The following ZCCHC9 variants were observed in gnomAD, a reference collection of about 807,000 sequenced individuals.
The protein encoded by ZCCHC9 is zinc finger CCHC domain-containing protein 9.
ZCCHC9 carries 18 observed loss-of-function variants against 30.8 expected under a neutral mutation model. The observed-to-expected ratio is 0.58, with a 90% CI of 0.40 to 0.87. The LOEUF is 0.87. Ranked by LOEUF, ZCCHC9 falls within the 40% of genes least tolerant of loss-of-function variation. The pLI, the probability that ZCCHC9 is intolerant of heterozygous loss-of-function variation, is 0.00. For synonymous variants in ZCCHC9, 94 were observed against 106.7 expected, an observed-to-expected ratio of 0.88 and a Z score of 0.73; for missense variants, 279 against 331.2, an observed-to-expected ratio of 0.84 and a Z score of 1.22.
chr5:81,307,911 C>T (rs1481253537), intron 2 of ZCCHC9, among the ~76,000 whole-genome samples: 2 of 137,874 alleles, frequency 1.5e-5, no homozygotes, highest in African/African-American at 2.7e-5. Flanking sequence ...AGGAGAATCA[C>T]TTGAACCCAG....
rs143226859 is a variant in ZCCHC9, at chr5:81,308,972, G to A, written c.562G>A (p.Val188Ile). The A allele has an allele frequency of 3.1e-6, 5 of 1,613,218 alleles. No individual in the cohort carries two copies. In the African/African-American group the frequency reaches 6.7e-5, roughly 22 times the overall value. The change falls in exon 4 of 6, where the codon GTT becomes ATT. Residue 188 changes from valine to isoleucine, a missense_variant. Physicochemically the swap from Val to Ile is conservative, Grantham distance 29 (BLOSUM62 3). Coordinates refer to ENST00000407610, the MANE Select transcript of ZCCHC9 (RefSeq NM_001131035.2). Reference protein sequence around the residue: ...LGEFPFAKCFVCGEMGHLSRS... With the variant: ...LGEFPFAKCFICGEMGHLSRS... ...CGAATTTCCTTTTGCAAAATGTTTT[G>A]TTTGTGGAGAAATGGGGCACCTGTC...
intron 2 of ZCCHC9, among the ~76,000 whole-genome samples, chr5:81,307,773 G>C (rs1758121484): frequency 6.6e-6 from 1 of 151,846 alleles, no homozygotes; most frequent in East Asian, 1.9e-4. Flanking sequence ...GAGGCGGGTG[G>C]ATCACCTGAG....
chr5:81,304,631 A>T (rs1459533219), intron 1 of ZCCHC9, 110 bp from the exon 2 acceptor site: 1 of 892,808 alleles, frequency 1.1e-6, no homozygotes, highest in Non-Finnish European at 1.6e-6. Context: ...AATAATTAAA[A>T]GTTTAACATA....
At chr5:81,305,827 C>T (rs1308239502) in intron 2 of ZCCHC9, among the ~76,000 whole-genome samples, 1 of 152,054 alleles carries the variant, frequency 6.6e-6, no homozygotes, top group Non-Finnish European at 1.5e-5. Context: ...GAGAAAATGT[C>T]AAAATTATGA....
rs779156637 is a variant in ZCCHC9 at position 81,310,707 on chromosome 5, AG to A, written c.629-502del. On this transcript the variant is annotated intron_variant, in intron 4 of 5. Transcript: ENST00000407610. ...AGGGTTAGGGTGCCTGGCCAGTGGA[AG>A]GCACTGAAACAAAAATTAACTTTAT... 4.6e-4 allele frequency among the ~76,000 whole-genome samples: 70 copies of A among 152,334 alleles called. 1 individual carries two copies. The highest frequency in any genetic ancestry group is 3.3e-3 in the Admixed American group (50 of 15,294).
At chr5:81,302,472 A>C (rs1175695518) in intron 1 of ZCCHC9, 1 of 152,276 alleles carries the variant, frequency 6.6e-6, no homozygotes, top group Non-Finnish European at 1.5e-5. Flanking sequence ...CTCCGTCTCA[A>C]CAACGACCAC....
intron 2 of ZCCHC9, among the ~76,000 whole-genome samples, chr5:81,308,022 A>ATATCT (rs571429540): frequency 4.4e-5 from 3 of 68,360 alleles, no homozygotes; most frequent in Non-Finnish European, 8.4e-5. Flanking sequence ...AAAAAAAAAA[A>ATATCT]ATCTATCTAT....
chr5:81,304,100 T>G (rs185220350), intron 1 of ZCCHC9: 1 of 152,392 alleles, frequency 6.6e-6, no homozygotes, highest in African/African-American at 2.4e-5. Flanking sequence ...TATCTTATGA[T>G]TCAAGTCATA....
chr5:81,304,277 T>A (rs1002479198), intron 1 of ZCCHC9: 2 of 152,772 alleles, frequency 1.3e-5, no homozygotes, highest in Non-Finnish European at 2.9e-5. Flanking sequence ...AGGACATGAT[T>A]TCTGTATACT....
In ZCCHC9 at chr5:81,311,783, T is replaced by C. The variant is rs114911985; in HGVS notation, c.697+504T>C. ...CTTCCTGATGAAATACCAGCCTTATTCATCAAACACTTCAGAGATGTTCAC... is the reference window on the plus strand; with the variant it reads ...CTTCCTGATGAAATACCAGCCTTATCCATCAAACACTTCAGAGATGTTCAC... On this transcript the variant is annotated intron_variant, in intron 5 of 5. Transcript: ENST00000407610. Among the ~76,000 whole-genome samples the C allele has an allele frequency of 1.4e-3, 212 of 152,318 alleles. 2 individuals are homozygous for C. Among genetic ancestry groups the C allele is most frequent in the African/African-American group, 5.0e-3 (207 of 41,572 alleles).
At chr5:81,309,229 C>G in intron 4 of ZCCHC9, 191 bp downstream of exon 4, 1 of 452,470 alleles carries the variant, frequency 2.2e-6, no homozygotes, top group South Asian at 5.3e-5. Context: ...GTTAATAAAA[C>G]AAATCAGAAA....
chr5:81,302,194 G>C (rs935896058), intron 1 of ZCCHC9: 7 of 152,582 alleles, frequency 4.6e-5, no homozygotes, highest in African/African-American at 1.7e-4. Context: ...AATTTAGGCC[G>C]GGCGCGGTGG....
intron 4 of ZCCHC9, among the ~76,000 whole-genome samples, chr5:81,310,689 G>C (rs1758254319): frequency 6.6e-6 from 1 of 152,126 alleles, no homozygotes; most frequent in East Asian, 1.9e-4. Flanking sequence ...TATAGGGTTA[G>C]GGTGCCTGGC....
intron 2 of ZCCHC9, among the ~76,000 whole-genome samples, chr5:81,306,479 A>G (rs1758087115): frequency 6.6e-6 from 1 of 152,208 alleles, no homozygotes; most frequent in African/African-American, 2.4e-5. Flanking sequence ...TTTAGTTGAC[A>G]TAGGCGGTAT....
In ZCCHC9 at chr5:81,313,229, T is replaced by C. The variant is rs1390957849; in HGVS notation, c.*567T>C. The C allele has an allele frequency of 6.6e-6, 1 of 152,230 alleles. No homozygotes were observed. The highest frequency in any genetic ancestry group is 1.9e-4 in the East Asian group (1 of 5,198). 9.4% of individuals were successfully genotyped at this position (152,230 alleles called of 1,614,324 possible). ...CGTTAATATCCATGTAACAATCCCA[T>C]TGGAAACAAGATTTTTTTTGAATCC... On this transcript the variant is annotated 3_prime_UTR_variant, in exon 6 of 6. Coordinates refer to ENST00000407610, the MANE Select transcript of ZCCHC9 (RefSeq NM_001131035.2).
Position 81,308,798 on chromosome 5 carries a change from G to A in ZCCHC9, c.535+87G>A, listed in dbSNP as rs554937503. On this transcript the variant is annotated intron_variant, in intron 3 of 5. Transcript: ENST00000407610. The stretch of plus-strand genomic sequence containing the variant: ...GTATTTTTTTAACACAATTTGTTAC[G>A]AGTGTGCCACTTAGTATTTGGAAAT... The A allele has an allele frequency of 2.1e-4, 310 of 1,504,834 alleles. No individual in the cohort carries two copies. In the African/African-American group the frequency reaches 3.4e-3, roughly 16 times the overall value. The allele number at this position is 1,504,834 out of a possible 1,614,324, so 93.2% of individuals were successfully genotyped here. A position where few individuals can be genotyped will look rare whatever the true frequency, so the allele number is the denominator to read the frequency against.
At chr5:81,311,157 TA>T in intron 4 of ZCCHC9, 53 bp from the exon 5 acceptor site, 1 of 1,597,644 alleles carries the variant, frequency 6.3e-7, no homozygotes, top group Non-Finnish European at 8.6e-7. Flanking sequence ...TTTGAGATGT[TA>T]AAAACCCCTT....
chr5:81,304,893 A>C lies in ZCCHC9; in HGVS notation c.136A>C (p.Arg46=). 1 of 1,614,188 alleles carries C rather than the reference A, an allele frequency of 6.2e-7. No homozygotes were observed. Among genetic ancestry groups the C allele is most frequent in the Non-Finnish European group, 8.5e-7 (1 of 1,180,032 alleles). Residue 46 remains arginine, a synonymous_variant, in exon 2 of 6, where the codon AGG becomes CGG. Transcript: ENST00000407610. The stretch of plus-strand genomic sequence containing the variant: ...AAAGCGTAAACAACTTGAAGCCAAT[A>C]GGCTATCCCTCAAAAATGATGCACC... ...LPKRKQLEAN[R]LSLKNDAPQA...
intron 4 of ZCCHC9, among the ~76,000 whole-genome samples, 194 bp from the exon 5 acceptor site, chr5:81,311,017 A>G (rs967120707): frequency 1.3e-5 from 2 of 152,188 alleles, no homozygotes; most frequent in Non-Finnish European, 2.9e-5. Context: ...GGTGGGTACA[A>G]TTTAGTGCTC....
Sources: gnomAD v4.1 joint callset for allele counts (sites outside exome capture counted in the v4.1 genomes callset) on GRCh38, gnomAD v4.1.1 for gene constraint, MANE v1.5 for transcripts, NCBI Gene and HGNC (gene_info 2026-07-23, HGNC 2026-07-21) for gene names.